The following CSMD1 variants were observed in gnomAD, a reference collection of about 807,000 sequenced individuals.
CSMD1 encodes CUB and sushi domain-containing protein 1.
In CSMD1, 213 loss-of-function variants were observed where a neutral mutation model predicts 417.5. The ratio of observed to expected loss-of-function variants is 0.51; its 90% CI spans 0.46 to 0.57. CSMD1 has a LOEUF of 0.57. Among genes scored for constraint, CSMD1 ranks in the 20% least tolerant of loss-of-function variants. The pLI, the probability that CSMD1 is intolerant of heterozygous loss-of-function variation, is 0.00. For synonymous variants in CSMD1, 2,862 were observed against 1,736.8 expected (o/e 1.65, Z -16.11); for missense variants, 6,923 against 4,529.7 (o/e 1.53, Z -15.17).
At chr8:3,946,758 A>G (rs1811257544) in intron 5 of CSMD1, among the ~76,000 whole-genome samples, 1 of 152,138 alleles carries the variant, frequency 6.6e-6, no homozygotes, top group African/African-American at 2.4e-5. Context: ...TATGTTTTAC[A>G]GTTTCAGCAT....
At chr8:4,053,380 G>C (rs963131982) in intron 3 of CSMD1, among the ~76,000 whole-genome samples, 1 of 151,628 alleles carries the variant, frequency 6.6e-6, no homozygotes, top group Non-Finnish European at 1.5e-5. Context: ...CAGACAGTGT[G>C]TGCGCTGACT....
intron 7 of CSMD1, among the ~76,000 whole-genome samples, chr8:3,628,058 G>C (rs1489779417): frequency 6.6e-6 from 1 of 152,138 alleles, no homozygotes; most frequent in Non-Finnish European, 1.5e-5. Context: ...TTAAAAAACA[G>C]AACGTGGTGT....
At chr8:4,302,719 C>G (rs1417272303) in intron 3 of CSMD1, among the ~76,000 whole-genome samples, 1 of 152,142 alleles carries the variant, frequency 6.6e-6, no homozygotes, top group African/African-American at 2.4e-5. Context: ...TTTCAACACT[C>G]TTTTCTTCTC....
At chr8:3,267,406 C>T (rs1261606692) in intron 26 of CSMD1, among the ~76,000 whole-genome samples, 2 of 152,206 alleles carry the variant, frequency 1.3e-5, no homozygotes, top group Admixed American at 6.5e-5. Context: ...CAAGGCTTCG[C>T]TGCAACAATA....
At chr8:4,726,130 T>C (rs1809421673) in intron 1 of CSMD1, among the ~76,000 whole-genome samples, 1 of 152,142 alleles carries the variant, frequency 6.6e-6, no homozygotes, top group East Asian at 1.9e-4. Context: ...CAAGACGTCA[T>C]CTGGGCGAGC....
chr8:4,435,069 C>A (rs998592333), intron 2 of CSMD1, among the ~76,000 whole-genome samples: 1 of 151,738 alleles, frequency 6.6e-6, no homozygotes, highest in East Asian at 1.9e-4. Context: ...TGTAATATAT[C>A]GGTGTAATAA....
At chr8:3,625,948 G>C (rs1796469141) in intron 7 of CSMD1, among the ~76,000 whole-genome samples, 1 of 152,052 alleles carries the variant, frequency 6.6e-6, no homozygotes, top group African/African-American at 2.4e-5. Flanking sequence ...TCCTTATAAA[G>C]CTTCAAATTA....
chr8:3,411,798 ATATATACACG>A (rs1812739419), intron 12 of CSMD1, among the ~76,000 whole-genome samples: 1 of 124,244 alleles, frequency 8.0e-6, no homozygotes, highest in Admixed American at 8.2e-5. Context: ...ATATACACGT[ATATATACACG>A]TATATATACG....
intron 5 of CSMD1, among the ~76,000 whole-genome samples, chr8:3,966,994 C>T (rs2407194): frequency 0.21 from 31,942 of 152,036 alleles, 3,548 homozygotes; most frequent in Admixed American, 0.3. Flanking sequence ...ACATCTTCCA[C>T]TGTAGAGTGT....
At chr8:3,395,356 G>A (rs916246294) in intron 17 of CSMD1, among the ~76,000 whole-genome samples, 1 of 152,164 alleles carries the variant, frequency 6.6e-6, no homozygotes, top group East Asian at 1.9e-4. Flanking sequence ...TTTTCAAACA[G>A]AGAAAAGAAT....
At chr8:3,773,880 G>T (rs555747123) in intron 5 of CSMD1, among the ~76,000 whole-genome samples, 1 of 152,212 alleles carries the variant, frequency 6.6e-6, no homozygotes, top group African/African-American at 2.4e-5. Context: ...TGTTGCTGAG[G>T]AAAATGCAAA....
intron 11 of CSMD1, among the ~76,000 whole-genome samples, chr8:3,477,961 GC>G (rs1468412495): frequency 6.6e-6 from 1 of 152,180 alleles, no homozygotes; most frequent in African/African-American, 2.4e-5. Flanking sequence ...TCAAGGGAGT[GC>G]TTTCATTGAA....
chr8:4,646,029 G>C (rs1167898565), intron 1 of CSMD1, among the ~76,000 whole-genome samples: 2 of 152,088 alleles, frequency 1.3e-5, no homozygotes, highest in Non-Finnish European at 1.5e-5. Flanking sequence ...ATCTCACATC[G>C]ATGTTTTGGA....
intron 10 of CSMD1, among the ~76,000 whole-genome samples, chr8:3,508,534 T>C (rs937970270): frequency 6.6e-6 from 1 of 152,140 alleles, no homozygotes; most frequent in Admixed American, 6.5e-5. Context: ...TAGAATATTT[T>C]TTAAAGAAAT....
At chr8:4,008,635 G>A (rs1179487154) in intron 4 of CSMD1, among the ~76,000 whole-genome samples, 16 of 113,286 alleles carry the variant, frequency 1.4e-4, no homozygotes, top group African/African-American at 5.2e-4. Context: ...TTTTGAGACA[G>A]GGTCTCGCTC....
chr8:3,082,017 C>T (rs1360374916), intron 49 of CSMD1, among the ~76,000 whole-genome samples: 1 of 152,178 alleles, frequency 6.6e-6, no homozygotes, highest in Non-Finnish European at 1.5e-5. Context: ...CAATCATGTC[C>T]CCCACCAACA....
At chr8:3,158,441 C>A (rs1460258141) in intron 38 of CSMD1, among the ~76,000 whole-genome samples, 1 of 152,108 alleles carries the variant, frequency 6.6e-6, no homozygotes, top group African/African-American at 2.4e-5. Context: ...ACATGACTAC[C>A]AGGGTTCAGC....
intron 2 of CSMD1, among the ~76,000 whole-genome samples, chr8:4,446,062 C>T (rs967223171): frequency 6.6e-6 from 1 of 152,158 alleles, no homozygotes; most frequent in Non-Finnish European, 1.5e-5. Context: ...GGAGACGAGG[C>T]TGTTTCATAG....
intron 12 of CSMD1, among the ~76,000 whole-genome samples, chr8:3,423,945 T>A (rs969262387): frequency 1.9e-4 from 29 of 152,214 alleles, no homozygotes; most frequent in African/African-American, 6.8e-4. Context: ...TTAACTATTT[T>A]TGGCTACTTA....
Sources: allele counts gnomAD v4.1 joint callset (sites outside exome capture counted in the v4.1 genomes callset), GRCh38; gene constraint gnomAD v4.1.1; transcripts MANE v1.5; gene names NCBI Gene and HGNC (gene_info 2026-07-23, HGNC 2026-07-21).